ZFC3H1: variants seen among roughly 807,000 people sequenced by gnomAD.
ZFC3H1 encodes the protein zinc finger C3H1 domain-containing protein.
In ZFC3H1, 71 loss-of-function variants were observed where a neutral mutation model predicts 243.7. The ratio of observed to expected loss-of-function variants is 0.29; its 90% confidence interval spans 0.24 to 0.36. The LOEUF is 0.36. Ranked by LOEUF, ZFC3H1 falls within the 10% of genes least tolerant of loss-of-function variation. ZFC3H1 has a pLI of 1.00. For synonymous variants in ZFC3H1, 838 were observed against 813.0 expected (o/e 1.03, Z -0.52); for missense variants, 1,966 against 2,317.1 (o/e 0.85, Z 3.11).
chr12:71,623,336 A>G (rs1412938684), intron 24 of ZFC3H1, 24 bp downstream of exon 24: 1 of 1,547,312 alleles, frequency 6.5e-7, no homozygotes, highest in Non-Finnish European at 8.8e-7. Flanking sequence ...AGTTGATATT[A>G]CAATTTATAA....
In ZFC3H1 at chr12:71,642,574, CTT is replaced by C; in HGVS notation, c.1504-17_1504-16del. ...GGATCTGAAGACTAAGTATACAACA[CTT>C]TTTTAGTTTCAAAGCATTTTCTGTC... is the stretch of plus-strand genomic sequence containing the variant. On this transcript the variant is annotated splice_polypyrimidine_tract_variant and intron_variant, in intron 5 of 34. Coordinates refer to ENST00000378743, the MANE Select transcript of ZFC3H1 (RefSeq NM_144982.5). 1.3e-6 allele frequency: 2 copies of C among 1,587,698 alleles called. No homozygotes were observed. The highest frequency in any genetic ancestry group is 1.7e-6 in the Non-Finnish European group (2 of 1,168,230).
chr12:71,655,207 G>A (rs189918301), intron 2 of ZFC3H1, among the ~76,000 whole-genome samples: 1 of 152,202 alleles, frequency 6.6e-6, no homozygotes, highest in East Asian at 1.9e-4. Context: ...GGTTATCATA[G>A]CAATCTTATT....
Position 71,619,401 on chromosome 12 carries a change from GCCT to G in ZFC3H1, c.5055_5057del (p.Gly1686del). 6.2e-7 allele frequency: 1 copy of G among 1,613,116 alleles called. No homozygotes were observed. The highest frequency in any genetic ancestry group is 8.5e-7 in the Non-Finnish European group (1 of 1,179,478). On this transcript the variant is annotated inframe_deletion, in exon 27 of 35. Coordinates refer to ENST00000378743, the MANE Select transcript of ZFC3H1 (RefSeq NM_144982.5). ...TCCGCAAAAATGGAAGAAGATTATC[GCCT>G]CGATTCTATTTTAAAAAGAGGGAGG...
At position 71,623,580 on chromosome 12, in the gene ZFC3H1, A is replaced by G. The variant is rs374742701; in HGVS notation, c.4524T>C (p.Ala1508=). 4.0e-5 allele frequency: 64 copies of G among 1,608,468 alleles called. No individual in the cohort carries two copies. Among genetic ancestry groups the G allele is most frequent in the Non-Finnish European group, 5.3e-5 (62 of 1,178,416 alleles). Reference sequence around the variant, plus strand: ...GGTATTCAGCTACTATTCCATCATTAGCAGATTTCAATGCATTCTAGGCAA... The same window carrying G: ...GGTATTCAGCTACTATTCCATCATTGGCAGATTTCAATGCATTCTAGGCAA... ...LAILQNALKS[A]NDGIVAEYLK... Residue 1508 remains alanine, a synonymous_variant, in exon 24 of 35, where the codon GCT becomes GCC. Transcript: ENST00000378743.
Position 71,636,932 on chromosome 12 carries a change from G to A in ZFC3H1, c.1853C>T (p.Ala618Val). 1 of 1,614,038 alleles carries A rather than the reference G, an allele frequency of 6.2e-7. No individual in the cohort carries two copies. The highest frequency in any genetic ancestry group is 8.5e-7 in the Non-Finnish European group (1 of 1,179,962). Residue 618 changes from alanine (A) to valine (V), a missense_variant, in exon 8 of 35, where the codon GCA becomes GTA. By Grantham distance (64) the Ala-to-Val change is moderately conservative. This residue lies in a region of ZFC3H1 where 1,383 missense variants were observed against 1,723.7 expected (regional missense o/e 0.80). Coordinates refer to ENST00000378743, the MANE Select transcript of ZFC3H1 (RefSeq NM_144982.5). The stretch of plus-strand genomic sequence containing the variant: ...CATTTCTTCCTCCTCTTCCTCATCT[G>A]CAAAAGGTGGTTTTGGAGGCTGTTC... ...DPEQPPKPPF[A>V]DEEEEEEMLL...
rs763026709 is a variant in ZFC3H1, at chr12:71,632,032, G to C, written c.3300C>G (p.Ser1100Arg). The change falls in exon 15 of 35, where the codon AGC becomes AGG. Residue 1100 changes from serine to arginine, a missense_variant. Ser to Arg is a moderately radical substitution (Grantham distance 110). This residue lies in a region of ZFC3H1 where 1,383 missense variants were observed against 1,723.7 expected (regional missense o/e 0.80). Transcript: ENST00000378743. ...ELQKLYSKAD[S>R]LKQLILKTTT... is the part of the protein sequence containing the mutation. ...TGGTTTTTAAAATCAGCTGTTTTAG[G>C]CTGTCAGCTTTTGAATACAATTTTT... 2 of 1,608,236 alleles carry C rather than the reference G, an allele frequency of 1.2e-6. No individual in the cohort carries two copies. The highest frequency in any genetic ancestry group is 2.7e-5 in the African/African-American group (2 of 74,320).
intron 27 of ZFC3H1, among the ~76,000 whole-genome samples, chr12:71,615,547 C>T (rs972991265): frequency 2.0e-5 from 3 of 152,048 alleles, no homozygotes; most frequent in Non-Finnish European, 4.4e-5. Flanking sequence ...GACAGAGTCT[C>T]GCTCTGTCAC....
intron 26 of ZFC3H1, 59 bp downstream of exon 26, chr12:71,619,867 C>T: frequency 6.7e-7 from 1 of 1,500,914 alleles, no homozygotes; most frequent in African/African-American, 1.4e-5. Flanking sequence ...CCTGGTGAGG[C>T]CAATAGCAAA....
At chr12:71,623,866 A>C (rs1421092624) in intron 23 of ZFC3H1, among the ~76,000 whole-genome samples, 4 of 152,212 alleles carry the variant, frequency 2.6e-5, no homozygotes, top group African/African-American at 9.6e-5. Flanking sequence ...GTGGATACTT[A>C]ACATAAAATA....
intron 29 of ZFC3H1, 22 bp from the exon 30 acceptor site, chr12:71,614,722 A>G: frequency 6.3e-7 from 1 of 1,597,496 alleles, no homozygotes. Context: ...AAAATATTAT[A>G]ATTTAGAATA....
At chr12:71,655,735 TA>T (rs879295970) in intron 2 of ZFC3H1, among the ~76,000 whole-genome samples, 3 of 152,090 alleles carry the variant, frequency 2.0e-5, no homozygotes, top group Non-Finnish European at 4.4e-5. Flanking sequence ...TTTCCAATCT[TA>T]AACTATTACA....
At position 71,663,246 on chromosome 12, in the gene ZFC3H1, C is replaced by T; in HGVS notation, c.365G>A (p.Ser122Asn). ...SHPPSVRMPS[S>N]SLSESSPRPS... ...CCGGGGACTGCTTTCGGACAGTGAG[C>T]TCGAAGGCATCCGTACAGAAGGCGG... Residue 122 changes from serine (S) to asparagine (N), a missense_variant, in exon 1 of 35, where the codon AGC becomes AAC. This residue lies in a region of ZFC3H1 where 484 missense variants were observed against 449.7 expected (regional missense o/e 1.08). Transcript: ENST00000378743. 6.2e-7 allele frequency: 1 copy of T among 1,613,858 alleles called. No individual in the cohort carries two copies. The highest frequency in any genetic ancestry group is 8.5e-7 in the Non-Finnish European group (1 of 1,180,034).
In ZFC3H1 at chr12:71,663,453, G is replaced by A. The variant is rs200918621; in HGVS notation, c.158C>T (p.Pro53Leu). The change falls in exon 1 of 35, where the codon CCG (proline) becomes CTG (leucine). Residue 53 changes from proline (P) to leucine (L), a missense_variant. Transcript: ENST00000378743. ...SSSGGGLLPY[P>L]RRRPPHSARG... ...GGCCGAGTGAGGAGGCCTTCGCCGC[G>A]GATAGGGTAACAGCCCGCCGCCGCT... 2 of 1,612,294 alleles carry A rather than the reference G, an allele frequency of 1.2e-6. No homozygotes were observed. The highest frequency in any genetic ancestry group is 1.7e-6 in the Non-Finnish European group (2 of 1,180,026).
intron 2 of ZFC3H1, among the ~76,000 whole-genome samples, chr12:71,649,091 C>CAAAAAAAA (rs35231608): frequency 1.1e-5 from 1 of 89,828 alleles, no homozygotes; most frequent in Non-Finnish European, 2.4e-5. Flanking sequence ...ACTCTTGTCT[C>CAAAAAAAA]AAAAAAAAAA....
Position 71,663,403 on chromosome 12 carries a change from C to T in ZFC3H1, c.208G>A (p.Gly70Ser). The stretch of plus-strand genomic sequence containing the variant: ...GAGGACGATGACGAGGAAGAGCCAC[C>T]GCCTCCGCCAGATCCACCGCCCCGG... ...SARGGGSGGG[G>S]GSSSSSSSSQ... Residue 70 changes from glycine (G) to serine (S), a missense_variant, in exon 1 of 35, where the codon GGT (glycine) becomes AGT (serine). By Grantham distance (56) the Gly-to-Ser change is moderately conservative. Coordinates refer to ENST00000378743, the MANE Select transcript of ZFC3H1 (RefSeq NM_144982.5). 1.2e-6 allele frequency: 2 copies of T among 1,611,836 alleles called. No individual in the cohort carries two copies. The highest frequency in any genetic ancestry group is 1.1e-5 in the South Asian group (1 of 91,090).
At position 71,619,977 on chromosome 12, in the gene ZFC3H1, AT is replaced by A; in HGVS notation, c.4997del (p.Asn1666IlefsTer53). 2 of 1,604,210 alleles carry A rather than the reference AT, an allele frequency of 1.2e-6. No individual in the cohort carries two copies. Among genetic ancestry groups the A allele is most frequent in the Non-Finnish European group, 1.7e-6 (2 of 1,173,622 alleles). On this transcript the variant is annotated frameshift_variant, in exon 26 of 35. Coordinates refer to ENST00000378743, the MANE Select transcript of ZFC3H1 (RefSeq NM_144982.5). LOFTEE classifies it high-confidence loss of function. ...GATAAAAAACCTCTGCATTCTGAGG[AT>A]TTTTTTCAAATGCAGTAAGCCACAC... ...RAVWLTAFEK[N>X]PQNAEVFYHM... is the part of the protein sequence containing the mutation.
At chr12:71,647,986 ACT>A (rs1880770153) in intron 2 of ZFC3H1, among the ~76,000 whole-genome samples, 173 bp from the exon 3 acceptor site, 1 of 152,156 alleles carries the variant, frequency 6.6e-6, no homozygotes, top group East Asian at 1.9e-4. Flanking sequence ...ATCTGAACAA[ACT>A]CTTATCAGCC....
rs1408360174 is a variant in ZFC3H1 at position 71,630,691 on chromosome 12, T to C, written c.3633A>G (p.Arg1211=). 1 of 1,613,642 alleles carries C rather than the reference T, an allele frequency of 6.2e-7. No homozygotes were observed. Among genetic ancestry groups the C allele is most frequent in the Middle Eastern group, 1.7e-4 (1 of 6,056 alleles). Residue 1211 remains arginine, a synonymous_variant, in exon 18 of 35, where the codon CGA becomes CGG. Transcript: ENST00000378743. ...ACAGAATGTCCTGGAATAACTGTTT[T>C]CGGCTAAGTGTATAGTCTTGTATAT... ...WQHIQDYTLS[R]KQLFQDILSY... is the part of the protein sequence containing the mutation.
chr12:71,615,038 AT>A (rs1290664034), intron 28 of ZFC3H1, 100 bp from the exon 29 acceptor site: 13 of 1,225,122 alleles, frequency 1.1e-5, no homozygotes, highest in Non-Finnish European at 1.4e-5. Flanking sequence ...TTACAATAGA[AT>A]CCTTCTTTTG....
Sources: allele counts gnomAD v4.1 joint callset (sites outside exome capture counted in the v4.1 genomes callset), GRCh38; gene constraint gnomAD v4.1.1; regional missense constraint gnomAD v4.1.1; transcripts MANE v1.5; gene names NCBI Gene and HGNC (gene_info 2026-07-23, HGNC 2026-07-21).